Variants in TMC5 observed in about 807,000 individuals in gnomAD.
The protein encoded by TMC5 is transmembrane channel-like protein 5.
A neutral mutation model predicts 110.5 loss-of-function variants in TMC5; 86 were observed. The ratio of observed to expected loss-of-function variants is 0.78; its 90% confidence interval spans 0.65 to 0.93. The LOEUF (loss-of-function observed/expected upper bound fraction) is 0.93, where lower values mean the gene tolerates loss of function less well. Ranked by LOEUF, TMC5 falls within the 40% of genes least tolerant of loss-of-function variation. The pLI is 0.00. For synonymous variants in TMC5, 455 were observed against 439.5 expected (o/e 1.04, Z -0.44); for missense variants, 1,144 against 1,222.8 (o/e 0.94, Z 0.96).
At chr16:19,472,957 G>A (rs1968381299) in intron 11 of TMC5, among the ~76,000 whole-genome samples, 1 of 152,156 alleles carries the variant, frequency 6.6e-6, no homozygotes, top group Non-Finnish European at 1.5e-5. Context: ...ATGGAAGGAT[G>A]CCTAGCAGAA....
At chr16:19,448,863 CTTTTTT>C (rs761356076) in intron 4 of TMC5, among the ~76,000 whole-genome samples, 9,522 of 128,050 alleles carry the variant, frequency 0.074, 633 homozygotes, top group African/African-American at 0.19. Context: ...GTATTTTTTT[CTTTTTT>C]TTTTTTTTTT....
In TMC5 at chr16:19,487,040, C is replaced by T; in HGVS notation, c.2439+20C>T. On this transcript the variant is annotated intron_variant, in intron 16 of 21. Coordinates refer to ENST00000542583, the MANE Select transcript of TMC5 (RefSeq NM_001261841.2). ...AAAAATGTGAGTCAGTCCGACATTG[C>T]CATCAATCAGCTTTGTTCAGTCACC... The T allele has an allele frequency of 6.2e-7, 1 of 1,612,884 alleles. No homozygotes were observed. Among genetic ancestry groups the T allele is most frequent in the Non-Finnish European group, 8.5e-7 (1 of 1,179,118 alleles).
Position 19,472,269 on chromosome 16 carries a change from G to C in TMC5, c.1938+26G>C, listed in dbSNP as rs766630690. On this transcript the variant is annotated intron_variant, in intron 11 of 21. Transcript: ENST00000542583. Reference sequence around the variant, plus strand: ...GTAACCAACACCAGGGTCCAGGGCAGAGAGAACCAGGTGAAGGGATGAGAT... The same window carrying C: ...GTAACCAACACCAGGGTCCAGGGCACAGAGAACCAGGTGAAGGGATGAGAT... 1.9e-6 allele frequency: 3 copies of C among 1,611,466 alleles called. No homozygotes were observed. In the Admixed American group the frequency reaches 5.0e-5, roughly 27 times the overall value.
chr16:19,460,727 T>G (rs1049417239), intron 6 of TMC5, among the ~76,000 whole-genome samples: 9 of 152,156 alleles, frequency 5.9e-5, no homozygotes, highest in African/African-American at 2.2e-4. Flanking sequence ...AACCCCAGTC[T>G]AAACAGCGAA....
chr16:19,465,067 TCCTTCCTTCCTTCC>T (rs1968144936), intron 8 of TMC5, among the ~76,000 whole-genome samples: 3 of 51,236 alleles, frequency 5.9e-5, no homozygotes, highest in African/African-American at 2.1e-4. Flanking sequence ...TTTCCTTCCT[TCCTTCCTTCCTTCC>T]TTCCTTCCTT....
intron 5 of TMC5, chr16:19,456,558 C>T: frequency 7.0e-7 from 1 of 1,430,824 alleles, no homozygotes; most frequent in Non-Finnish European, 9.2e-7. Flanking sequence ...TGAGCTCATC[C>T]TGGCATTTTA....
chr16:19,477,276 C>G (rs1968511886), intron 12 of TMC5, among the ~76,000 whole-genome samples, 164 bp from the exon 13 acceptor site: 1 of 151,978 alleles, frequency 6.6e-6, no homozygotes, highest in Admixed American at 6.6e-5. Flanking sequence ...AAGTGACACA[C>G]ATTGCTTCTG....
Position 19,444,209 on chromosome 16 carries a change from C to CATA in TMC5, c.918_920dup (p.Ser306_Tyr307insTer). The CATA allele has an allele frequency of 1.9e-6, 3 of 1,613,980 alleles. No individual in the cohort carries two copies. ...ATGGCATCCATGGAGATGGCAAACT[C>CATA]ATATGGCCACTCTCTGCCAGGTGCT... On this transcript the variant is annotated stop_gained and inframe_insertion, in exon 4 of 22. Transcript: ENST00000542583. LOFTEE classifies it high-confidence loss of function.
intron 2 of TMC5, among the ~76,000 whole-genome samples, chr16:19,435,115 C>CT (rs779087503): frequency 2.6e-5 from 4 of 152,092 alleles, no homozygotes; most frequent in Non-Finnish European, 4.4e-5. Context: ...AACCCTACCG[C>CT]TTTTTTCAAC....
At chr16:19,465,279 A>C (rs987510825) in intron 8 of TMC5, among the ~76,000 whole-genome samples, 3 of 152,030 alleles carry the variant, frequency 2.0e-5, no homozygotes, top group South Asian at 2.1e-4. Context: ...CACTCCTGTA[A>C]TCCCAGCACT....
At chr16:19,450,049 G>A (rs1967714650) in intron 5 of TMC5, among the ~76,000 whole-genome samples, 1 of 152,216 alleles carries the variant, frequency 6.6e-6, no homozygotes. Flanking sequence ...CCCTGGAGAA[G>A]GAACATGTCC....
chr16:19,463,642 TA>T (rs1968084618), intron 7 of TMC5, 133 bp from the exon 8 acceptor site: 1 of 1,178,814 alleles, frequency 8.5e-7, no homozygotes, highest in Non-Finnish European at 1.2e-6. Context: ...ATAACATTTG[TA>T]AACATGCCTA....
chr16:19,478,548 A>G (rs554831668), intron 13 of TMC5, among the ~76,000 whole-genome samples: 1 of 152,134 alleles, frequency 6.6e-6, no homozygotes, highest in East Asian at 1.9e-4. Flanking sequence ...GTATCCATCT[A>G]TCCATTCATT....
At chr16:19,449,025 A>C (rs1033019965) in intron 4 of TMC5, among the ~76,000 whole-genome samples, 2 of 150,318 alleles carry the variant, frequency 1.3e-5, no homozygotes, top group African/African-American at 2.5e-5. Flanking sequence ...CACCCGGCTA[A>C]TTTTTTTGTA....
At chr16:19,433,484 C>T (rs960326210) in intron 2 of TMC5, among the ~76,000 whole-genome samples, 1 of 152,150 alleles carries the variant, frequency 6.6e-6, no homozygotes, top group Non-Finnish European at 1.5e-5. Context: ...CTCCTGCAGC[C>T]CCTCTTGGAG....
intron 4 of TMC5, 140 bp from the exon 5 acceptor site, chr16:19,449,402 T>C: frequency 2.9e-6 from 2 of 682,520 alleles, no homozygotes; most frequent in Non-Finnish European, 5.2e-6. Context: ...TCTTAATCAG[T>C]AGTCTGTTAG....
At chr16:19,486,339 A>G (rs1475855651) in intron 15 of TMC5, among the ~76,000 whole-genome samples, 1 of 152,022 alleles carries the variant, frequency 6.6e-6, no homozygotes, top group Non-Finnish European at 1.5e-5. Flanking sequence ...CCATGTCTTT[A>G]CATGGTCTTC....
chr16:19,473,430 C>T (rs1968401642), intron 11 of TMC5, among the ~76,000 whole-genome samples: 1 of 141,934 alleles, frequency 7.0e-6, no homozygotes, highest in Non-Finnish European at 1.5e-5. Context: ...ATTCAGAACT[C>T]AGAGAGAGGT....
At chr16:19,444,520 A>T (rs1048442462) in intron 4 of TMC5, among the ~76,000 whole-genome samples, 3 of 152,192 alleles carry the variant, frequency 2.0e-5, no homozygotes, top group Admixed American at 2.0e-4. Context: ...AGCTCAGTCC[A>T]TGGTGGTTAT....
Sources: allele counts gnomAD v4.1 joint callset (sites outside exome capture counted in the v4.1 genomes callset), GRCh38; gene constraint gnomAD v4.1.1; transcripts MANE v1.5; gene names NCBI Gene and HGNC (gene_info 2026-07-23, HGNC 2026-07-21).